The following COX10 variants were observed in gnomAD, a reference collection of about 807,000 sequenced individuals.
The protein encoded by COX10 is protoheme IX farnesyltransferase, mitochondrial.
In COX10, 27 loss-of-function variants were observed where a neutral mutation model predicts 37.3. The observed-to-expected ratio is 0.72, with a 90% CI of 0.53 to 1.00. COX10 has a LOEUF of 1.00. Ranked by LOEUF, COX10 falls within the 50% of genes least tolerant of loss-of-function variation. The pLI is 0.00. For synonymous variants in COX10, 222 were observed against 229.1 expected (o/e 0.97, Z 0.28); for missense variants, 475 against 563.2 (o/e 0.84, Z 1.59).
chr17:14,163,547 C>T (rs541653496), intron 5 of COX10, among the ~76,000 whole-genome samples: 2 of 152,238 alleles, frequency 1.3e-5, no homozygotes, highest in East Asian at 1.9e-4. Context: ...TGAGCCACTG[C>T]GCCTGGCTGC....
chr17:14,142,104 CT>C (rs1904563035), intron 4 of COX10, among the ~76,000 whole-genome samples: 1 of 152,150 alleles, frequency 6.6e-6, no homozygotes, highest in Non-Finnish European at 1.5e-5. Flanking sequence ...GAGTAAGCGC[CT>C]CTTTATTAGA....
At chr17:14,164,523 A>AT (rs1249883200) in intron 5 of COX10, among the ~76,000 whole-genome samples, 1 of 152,114 alleles carries the variant, frequency 6.6e-6, no homozygotes, top group Non-Finnish European at 1.5e-5. Flanking sequence ...TTTTTAAATT[A>AT]TTTTTTCCAG....
chr17:14,073,201 T>A (rs990003539), intron 1 of COX10, among the ~76,000 whole-genome samples: 15 of 152,332 alleles, frequency 9.8e-5, no homozygotes, highest in African/African-American at 3.4e-4. Context: ...GCAGGAGGAC[T>A]GGCTTGAATG....
chr17:14,177,202 G>C (rs1281079323), intron 5 of COX10: 3 of 715,054 alleles, frequency 4.2e-6, no homozygotes, highest in Non-Finnish European at 7.7e-6. Flanking sequence ...GGTTGCCTCC[G>C]TCACTGTTCT....
At position 14,073,496 on chromosome 17, in the gene COX10, G is replaced by A. The variant is rs1323474206; in HGVS notation, c.44-827G>A. ...ATATAGAGATACCAAGAGAGGAGATGGAAATAGACCTGATGACTCTAGAAA... is the reference window on the plus strand; with the variant it reads ...ATATAGAGATACCAAGAGAGGAGATAGAAATAGACCTGATGACTCTAGAAA... On this transcript the variant is annotated intron_variant, in intron 1 of 6. Transcript: ENST00000261643. 3.9e-5 allele frequency among the ~76,000 whole-genome samples: 6 copies of A among 152,132 alleles called. No homozygotes were observed. The East Asian group carries it at 1.2e-3, about 29-fold the overall frequency.
intron 4 of COX10, among the ~76,000 whole-genome samples, chr17:14,148,891 T>C (rs1412000537): frequency 6.7e-6 from 1 of 149,198 alleles, no homozygotes; most frequent in Non-Finnish European, 1.5e-5. Flanking sequence ...ATTTGGATAA[T>C]ATATAATTAG....
chr17:14,124,545 C>CA (rs1916294318), intron 4 of COX10, among the ~76,000 whole-genome samples: 1 of 152,126 alleles, frequency 6.6e-6, no homozygotes, highest in South Asian at 2.1e-4. Flanking sequence ...TTTGTTCTCA[C>CA]AGTTCATGTT....
chr17:14,171,299 C>T (rs1316530092), intron 5 of COX10, among the ~76,000 whole-genome samples: 1 of 152,186 alleles, frequency 6.6e-6, no homozygotes, highest in Non-Finnish European at 1.5e-5. Flanking sequence ...GAGGAGATGG[C>T]AACACACGTG....
At chr17:14,192,998 C>G (rs1216326351) in intron 6 of COX10, among the ~76,000 whole-genome samples, 1 of 152,154 alleles carries the variant, frequency 6.6e-6, no homozygotes, top group Non-Finnish European at 1.5e-5. Context: ...CTCTTACACT[C>G]CAATTTGGCA....
At chr17:14,161,724 C>T (rs1214820451) in intron 5 of COX10, among the ~76,000 whole-genome samples, 2 of 152,166 alleles carry the variant, frequency 1.3e-5, no homozygotes, top group Admixed American at 6.5e-5. Flanking sequence ...CATCAGAACG[C>T]CAGGCTTGCT....
At chr17:14,156,739 G>C (rs111262729) in intron 4 of COX10, among the ~76,000 whole-genome samples, 160 of 152,290 alleles carry the variant, frequency 1.1e-3, no homozygotes, top group Non-Finnish European at 2.0e-3. Context: ...TTCCCTTGAA[G>C]AGTATTTGAG....
chr17:14,186,384 A>G (rs236791), intron 5 of COX10, among the ~76,000 whole-genome samples: 14,132 of 138,046 alleles, frequency 0.1, 239 homozygotes, highest in African/African-American at 0.17. Context: ...CTTCTCACAC[A>G]CTGTTCCCAC....
intron 6 of COX10, among the ~76,000 whole-genome samples, chr17:14,197,308 C>T (rs1049301570): frequency 2.0e-5 from 3 of 152,130 alleles, no homozygotes. Context: ...TTTGTGGTGG[C>T]TACAGGGCCA....
intron 4 of COX10, among the ~76,000 whole-genome samples, chr17:14,156,941 C>T (rs1905053503): frequency 6.6e-6 from 1 of 152,188 alleles, no homozygotes; most frequent in Non-Finnish European, 1.5e-5. Context: ...AGTAAACATT[C>T]TATGCTTTGT....
intron 4 of COX10, among the ~76,000 whole-genome samples, chr17:14,124,300 C>T (rs1317631061): frequency 1.3e-5 from 2 of 152,136 alleles, no homozygotes; most frequent in African/African-American, 2.4e-5. Flanking sequence ...GAGTTTATTA[C>T]ACTTTATTGC....
intron 3 of COX10, among the ~76,000 whole-genome samples, chr17:14,084,017 T>C (rs968157414): frequency 7.2e-5 from 11 of 152,324 alleles, no homozygotes; most frequent in Admixed American, 2.0e-4. Context: ...GGAACTGATA[T>C]GAAGTATGAT....
chr17:14,097,326 T>TA (rs1915672937), intron 3 of COX10, among the ~76,000 whole-genome samples: 1 of 152,032 alleles, frequency 6.6e-6, no homozygotes, highest in African/African-American at 2.4e-5. Context: ...GGGTTTTTTT[T>TA]TTTAGAAATG....
rs142636740 is a variant in COX10 at position 14,120,031 on chromosome 17, G to C, written c.624+17789G>C. Among the ~76,000 whole-genome samples the C allele has an allele frequency of 8.0e-4, 122 of 152,226 alleles. 1 individual carries two copies. The East Asian group carries it at 0.023, about 28-fold the overall frequency. On this transcript the variant is annotated intron_variant, in intron 4 of 6. Transcript: ENST00000261643. ...GGATAAATTTAAAAGATATTTAAGA[G>C]ATAAAATAAATGATATTTAGAGGTT...
At chr17:14,182,151 G>A (rs375451035) in intron 5 of COX10, 70 of 982,670 alleles carry the variant, frequency 7.1e-5, no homozygotes, top group Middle Eastern at 1.0e-3. Context: ...TCTCTGCGCC[G>A]AACATCATGA....
Sources: gnomAD v4.1 joint callset for allele counts (sites outside exome capture counted in the v4.1 genomes callset) on GRCh38, gnomAD v4.1.1 for gene constraint, MANE v1.5 for transcripts, NCBI Gene and HGNC (gene_info 2026-07-23, HGNC 2026-07-21) for gene names.